The following CNTNAP4 variants were observed in gnomAD, a reference collection of about 807,000 sequenced individuals.
The protein encoded by CNTNAP4 is contactin-associated protein-like 4.
A neutral mutation model predicts 148.4 loss-of-function variants in CNTNAP4; 98 were observed. The ratio of observed to expected loss-of-function variants is 0.66; its 90% CI spans 0.56 to 0.78. The LOEUF (loss-of-function observed/expected upper bound fraction) is 0.78. Among genes scored for constraint, CNTNAP4 ranks in the 30% least tolerant of loss-of-function variants. CNTNAP4 has a pLI of 0.00. For synonymous variants in CNTNAP4, 730 were observed against 565.1 expected, an observed-to-expected ratio of 1.29 and a Z score of -4.14; for missense variants, 1,935 against 1,565.6, an observed-to-expected ratio of 1.24 and a Z score of -3.98.
intron 3 of CNTNAP4, among the ~76,000 whole-genome samples, chr16:76,413,702 A>G (rs757231258): frequency 6.6e-6 from 1 of 151,392 alleles, no homozygotes; most frequent in Non-Finnish European, 1.5e-5. Flanking sequence ...GGTAGAATCT[A>G]TATATTAATT....
At chr16:76,391,629 T>C (rs1242390272) in intron 3 of CNTNAP4, among the ~76,000 whole-genome samples, 1 of 152,098 alleles carries the variant, frequency 6.6e-6, no homozygotes, top group Non-Finnish European at 1.5e-5. Context: ...AAGATCCCAC[T>C]TCGGATCTAC....
chr16:76,424,840 A>T (rs2079326336), intron 3 of CNTNAP4, among the ~76,000 whole-genome samples: 1 of 152,288 alleles, frequency 6.6e-6, no homozygotes, highest in South Asian at 2.1e-4. Flanking sequence ...ATCAATGCTC[A>T]GGCTATGAGC....
At chr16:76,419,649 A>G (rs73615785) in intron 3 of CNTNAP4, among the ~76,000 whole-genome samples, 1,654 of 152,144 alleles carry the variant, frequency 0.011, 36 homozygotes, top group African/African-American at 0.038. Context: ...CCGTCCCTCT[A>G]GATTTCAGCA....
At chr16:76,465,665 A>G (rs1285486067) in intron 9 of CNTNAP4, among the ~76,000 whole-genome samples, 1 of 152,216 alleles carries the variant, frequency 6.6e-6, no homozygotes, top group Non-Finnish European at 1.5e-5. Context: ...TAATTGGCTA[A>G]TAAGTCATTC....
At chr16:76,422,130 G>T (rs1028100891) in intron 3 of CNTNAP4, among the ~76,000 whole-genome samples, 7 of 152,022 alleles carry the variant, frequency 4.6e-5, no homozygotes, top group South Asian at 2.1e-4. Flanking sequence ...AAATTTTCTT[G>T]GTTAAAATAC....
At chr16:76,331,125 AT>A (rs71382632) in intron 2 of CNTNAP4, among the ~76,000 whole-genome samples, 64 of 147,176 alleles carry the variant, frequency 4.3e-4, no homozygotes, top group East Asian at 3.4e-3. Context: ...GGTTTAGTTG[AT>A]TTTTTTTTTT....
chr16:76,463,135 C>G (rs2081045019), intron 9 of CNTNAP4, among the ~76,000 whole-genome samples: 1 of 152,142 alleles, frequency 6.6e-6, no homozygotes, highest in Non-Finnish European at 1.5e-5. Context: ...TTAAACCGGG[C>G]TGCTTATAAA....
chr16:76,521,288 T>C lies in CNTNAP4; in HGVS notation c.2514T>C (p.Asp838=). 6.2e-7 allele frequency: 1 copy of C among 1,611,788 alleles called. No individual in the cohort carries two copies. The highest frequency in any genetic ancestry group is 8.5e-7 in the Non-Finnish European group (1 of 1,179,100). ...GVFLENLGIA[D]FIRIELRSPT... ...TTTTAGAGAACTTGGGGATTGCTGA[T>C]TTTATACGGATAGAGCTTCGCTGTA... Residue 838 remains aspartate (D), a synonymous_variant, in exon 16 of 24, where the codon GAT becomes GAC. Coordinates refer to ENST00000611870, the MANE Select transcript of CNTNAP4 (RefSeq NM_033401.5).
At chr16:76,487,339 T>C (rs4423447) in intron 12 of CNTNAP4, among the ~76,000 whole-genome samples, 103,086 of 152,158 alleles carry the variant, frequency 0.68, 41,197 homozygotes, top group Non-Finnish European at 0.88. Context: ...GCTGGAGATA[T>C]GATTGTTACC....
At chr16:76,451,289 A>G (rs1191597666) in intron 7 of CNTNAP4, among the ~76,000 whole-genome samples, 4 of 152,196 alleles carry the variant, frequency 2.6e-5, no homozygotes, top group Admixed American at 1.3e-4. Context: ...GCTTTTACTC[A>G]GAAGCAGACA....
intron 3 of CNTNAP4, among the ~76,000 whole-genome samples, chr16:76,391,866 T>C (rs2017028239): frequency 6.6e-6 from 1 of 152,218 alleles, no homozygotes. Flanking sequence ...ATACGATCCC[T>C]GGGTAATTCA....
At chr16:76,398,802 A>G (rs1380421807) in intron 3 of CNTNAP4, among the ~76,000 whole-genome samples, 2 of 152,116 alleles carry the variant, frequency 1.3e-5, no homozygotes, top group African/African-American at 4.8e-5. Flanking sequence ...TTGGGTGCAT[A>G]TATATTTGTA....
intron 3 of CNTNAP4, among the ~76,000 whole-genome samples, chr16:76,403,099 T>A (rs187511338): frequency 1.7e-3 from 253 of 151,430 alleles, no homozygotes; most frequent in Non-Finnish European, 2.0e-3. Flanking sequence ...GTTTTATTTT[T>A]TTTTTTTTTT....
chr16:76,419,045 T>C (rs1434892918), intron 3 of CNTNAP4, among the ~76,000 whole-genome samples: 2 of 152,026 alleles, frequency 1.3e-5, no homozygotes, highest in African/African-American at 4.8e-5. Context: ...TGGTTCGATG[T>C]GTAAGAGGAG....
intron 7 of CNTNAP4, among the ~76,000 whole-genome samples, chr16:76,450,535 T>C (rs920459888): frequency 6.6e-6 from 1 of 152,182 alleles, no homozygotes; most frequent in East Asian, 1.9e-4. Context: ...AACAACCATG[T>C]ATATTAGGGA....
At chr16:76,313,154 G>A (rs1484365003) in intron 1 of CNTNAP4, among the ~76,000 whole-genome samples, 1 of 152,154 alleles carries the variant, frequency 6.6e-6, no homozygotes, top group African/African-American at 2.4e-5. Flanking sequence ...CTCTTTTAAA[G>A]CTAGAGGTAG....
chr16:76,455,748 A>G (rs2080703953), intron 8 of CNTNAP4, among the ~76,000 whole-genome samples: 1 of 152,222 alleles, frequency 6.6e-6, no homozygotes, highest in South Asian at 2.1e-4. Flanking sequence ...GGAATGGCCT[A>G]GGTATAATTG....
At chr16:76,520,993 A>T (rs543703961) in intron 15 of CNTNAP4, 147 bp from the exon 16 acceptor site, 37 of 681,154 alleles carry the variant, frequency 5.4e-5, no homozygotes, top group Non-Finnish European at 8.7e-5. Context: ...TATACTACAT[A>T]GTTGACAGAA....
intron 3 of CNTNAP4, among the ~76,000 whole-genome samples, chr16:76,393,699 A>T (rs1254127811): frequency 6.6e-6 from 1 of 151,882 alleles, no homozygotes; most frequent in Non-Finnish European, 1.5e-5. Context: ...AAAAAAAAAA[A>T]TTGAAAGACT....
Sources: gnomAD v4.1 joint callset for allele counts (sites outside exome capture counted in the v4.1 genomes callset) on GRCh38, gnomAD v4.1.1 for gene constraint, MANE v1.5 for transcripts, NCBI Gene and HGNC (gene_info 2026-07-23, HGNC 2026-07-21) for gene names.